Variants in CPEB3 observed in about 807,000 individuals in gnomAD.
CPEB3 encodes cytoplasmic polyadenylation element-binding protein 3.
CPEB3 carries 20 observed loss-of-function variants against 67.2 expected under a neutral mutation model. The observed-to-expected ratio is 0.30, with a 90% CI of 0.21 to 0.43. The LOEUF is 0.43. CPEB3 is among the 20% of genes least tolerant of loss of function. CPEB3 has a pLI of 1.00. For missense variants in CPEB3, 746 were observed against 968.6 expected, an observed-to-expected ratio of 0.77 and a Z score of 3.05; for synonymous variants, 376 against 393.1, an observed-to-expected ratio of 0.96 and a Z score of 0.51.
intron 9 of CPEB3, among the ~76,000 whole-genome samples, chr10:92,069,490 G>A (rs1590068733): frequency 6.6e-6 from 1 of 150,794 alleles, no homozygotes. Flanking sequence ...TGCAACCTCC[G>A]CTTCCCAGGC....
intron 1 of CPEB3, among the ~76,000 whole-genome samples, chr10:92,258,625 A>AACTAAC (rs1554936345): frequency 3.0e-5 from 1 of 32,914 alleles, no homozygotes; most frequent in East Asian, 1.6e-3. Flanking sequence ...ATATTTTTTG[A>AACTAAC]ATATATATAT....
chr10:92,233,085 G>C (rs1180922018), intron 2 of CPEB3, among the ~76,000 whole-genome samples: 1 of 152,206 alleles, frequency 6.6e-6, no homozygotes, highest in East Asian at 1.9e-4. Flanking sequence ...AGTTTGTGGG[G>C]ATGAGTAGAC....
intron 2 of CPEB3, among the ~76,000 whole-genome samples, chr10:92,223,717 G>C (rs1347558685): frequency 2.7e-5 from 4 of 149,958 alleles, no homozygotes; most frequent in Non-Finnish European, 5.9e-5. Context: ...GGGATTACAG[G>C]CACCTGTCAC....
At chr10:92,266,588 A>G (rs1853067900) in intron 1 of CPEB3, among the ~76,000 whole-genome samples, 1 of 152,168 alleles carries the variant, frequency 6.6e-6, no homozygotes, top group Non-Finnish European at 1.5e-5. Flanking sequence ...GTAGTAAACC[A>G]AAAAGACAAG....
At chr10:92,064,321 A>G (rs918341858) in intron 9 of CPEB3, among the ~76,000 whole-genome samples, 1 of 152,198 alleles carries the variant, frequency 6.6e-6, no homozygotes, top group Non-Finnish European at 1.5e-5. Flanking sequence ...GATTTCAGAG[A>G]ACCCAGAAGA....
intron 2 of CPEB3, among the ~76,000 whole-genome samples, chr10:92,219,827 T>A (rs1404943812): frequency 6.6e-6 from 1 of 152,190 alleles, no homozygotes; most frequent in African/African-American, 2.4e-5. Flanking sequence ...CTCATATCTT[T>A]GAAATGTTGA....
intron 4 of CPEB3, among the ~76,000 whole-genome samples, chr10:92,162,399 T>TA: frequency 6.6e-6 from 1 of 152,102 alleles, no homozygotes. Flanking sequence ...GATACATATA[T>TA]TATGTATCTA....
chr10:92,226,144 G>GT (rs1190048959), intron 2 of CPEB3, among the ~76,000 whole-genome samples: 10 of 152,244 alleles, frequency 6.6e-5, no homozygotes, highest in African/African-American at 2.4e-4. Context: ...TTTTATCTGT[G>GT]TTTTTTCCCT....
chr10:92,091,659 C>T (rs935195104), intron 8 of CPEB3, among the ~76,000 whole-genome samples, 171 bp downstream of exon 8: 1 of 152,134 alleles, frequency 6.6e-6, no homozygotes, highest in Non-Finnish European at 1.5e-5. Flanking sequence ...CAAAATAGAG[C>T]ATTTTGGGAG....
intron 1 of CPEB3, among the ~76,000 whole-genome samples, chr10:92,255,969 A>G (rs1448486537): frequency 2.0e-5 from 3 of 152,218 alleles, no homozygotes; most frequent in Non-Finnish European, 2.9e-5. Context: ...ACTGCTTTTA[A>G]CTATTTCTCT....
chr10:92,102,594 G>A (rs117348349), intron 7 of CPEB3, among the ~76,000 whole-genome samples: 1,975 of 152,204 alleles, frequency 0.013, 26 homozygotes, highest in Middle Eastern at 0.031. Context: ...CGAACAATTC[G>A]GTATACTGTT....
chr10:92,098,482 T>C (rs1590131567), intron 7 of CPEB3, among the ~76,000 whole-genome samples: 1 of 152,092 alleles, frequency 6.6e-6, no homozygotes, highest in Non-Finnish European at 1.5e-5. Flanking sequence ...GCTAATTTTG[T>C]ATTTTTAGTA....
chr10:92,265,794 T>C (rs1357038987), intron 1 of CPEB3, among the ~76,000 whole-genome samples: 1 of 151,288 alleles, frequency 6.6e-6, no homozygotes, highest in Non-Finnish European at 1.5e-5. Flanking sequence ...AGTTTTCTTT[T>C]TTTTTTTTTT....
chr10:92,256,336 C>G (rs545313142), intron 1 of CPEB3, among the ~76,000 whole-genome samples: 3 of 152,192 alleles, frequency 2.0e-5, no homozygotes, highest in South Asian at 2.1e-4. Context: ...TATGCCCCTT[C>G]CTAAAACTCT....
chr10:92,208,636 C>A (rs1271431372), intron 2 of CPEB3, among the ~76,000 whole-genome samples: 1 of 150,862 alleles, frequency 6.6e-6, no homozygotes, highest in Non-Finnish European at 1.5e-5. Context: ...CTCTGTTGCC[C>A]AGGCTGGAGT....
intron 5 of CPEB3, among the ~76,000 whole-genome samples, 174 bp from the exon 6 acceptor site, chr10:92,143,292 T>C (rs1400768341): frequency 4.6e-5 from 7 of 152,216 alleles, no homozygotes; most frequent in Non-Finnish European, 1.0e-4. Context: ...GGGTGTACAT[T>C]TGGTTATTCA....
upstream of CPEB3, chr10:92,291,228 C>T: frequency 1.9e-6 from 1 of 536,046 alleles, no homozygotes; most frequent in Non-Finnish European, 3.3e-6. Context: ...TGGACCGGAA[C>T]CTCGGGCCGA....
chr10:92,107,533 T>C (rs907247701), intron 7 of CPEB3, among the ~76,000 whole-genome samples: 1 of 152,192 alleles, frequency 6.6e-6, no homozygotes, highest in Non-Finnish European at 1.5e-5. Context: ...CTTGCTCTAT[T>C]AGCTTGCTGT....
At chr10:92,200,724 A>G (rs916422554) in intron 2 of CPEB3, among the ~76,000 whole-genome samples, 3 of 152,060 alleles carry the variant, frequency 2.0e-5, no homozygotes, top group African/African-American at 7.2e-5. Flanking sequence ...AAAAAAACCA[A>G]GGATAGTATC....
Sources: allele counts gnomAD v4.1 joint callset (sites outside exome capture counted in the v4.1 genomes callset), GRCh38; gene constraint gnomAD v4.1.1; transcripts MANE v1.5; gene names NCBI Gene and HGNC (gene_info 2026-07-23, HGNC 2026-07-21).